Variants in STK32A observed in about 807,000 individuals in gnomAD.
STK32A encodes the protein serine/threonine kinase 32A.
A neutral mutation model predicts 53.2 loss-of-function variants in STK32A; 41 were observed. The observed-to-expected ratio is 0.77, with a 90% confidence interval of 0.60 to 1.00. The LOEUF is 1.00. Ranked by LOEUF, STK32A falls within the 50% of genes least tolerant of loss-of-function variation. The pLI, the probability that STK32A is intolerant of heterozygous loss-of-function variation, is 0.00. For synonymous variants in STK32A, 166 were observed against 162.8 expected (o/e 1.02, Z -0.15); for missense variants, 458 against 485.8 (o/e 0.94, Z 0.54).
chr5:147,364,145 G>A (rs1581141066), intron 8 of STK32A, among the ~76,000 whole-genome samples: 1 of 148,040 alleles, frequency 6.8e-6, no homozygotes, highest in East Asian at 2.0e-4. Context: ...AACCTGGGAG[G>A]TAGATGTTGC....
chr5:147,307,350 G>C (rs1249046479), intron 4 of STK32A, among the ~76,000 whole-genome samples: 2 of 152,044 alleles, frequency 1.3e-5, no homozygotes, highest in African/African-American at 4.8e-5. Context: ...GCTGGGGACA[G>C]TGACTCACGC....
chr5:147,349,364 G>T (rs1480658184), intron 6 of STK32A, among the ~76,000 whole-genome samples: 1 of 152,234 alleles, frequency 6.6e-6, no homozygotes, highest in Non-Finnish European at 1.5e-5. Context: ...CTTGTGGACT[G>T]TGGGCCCTGG....
chr5:147,281,569 T>C lies in STK32A; in HGVS notation c.260+2171T>C, dbSNP rs1186208138. 2.0e-5 allele frequency among the ~76,000 whole-genome samples: 3 copies of C among 151,672 alleles called. No homozygotes were observed. In the East Asian group the frequency reaches 5.8e-4, roughly 29 times the overall value. On this transcript the variant is annotated intron_variant, in intron 4 of 12. Transcript: ENST00000397936. ...TCAAACAAAGACAAAGCAAAAAGAA[T>C]AAGAAAATATAAACAAAACTCCCAA...
the STK32A span, among the ~76,000 whole-genome samples, chr5:147,395,993 G>A: frequency 1.4e-4 from 22 of 152,280 alleles, no homozygotes; most frequent in South Asian, 2.3e-3. Context: ...GGGGTTGCCA[G>A]AGGGAGGAGG....
At chr5:147,394,188 C>A in the STK32A span, 3 of 1,533,420 alleles carry the variant, frequency 2.0e-6, no homozygotes, top group South Asian at 2.3e-5. Context: ...GGGATGTGGG[C>A]AAGAGAGAAA....
chr5:147,279,206 T>C (rs1437953760), intron 3 of STK32A, 41 bp from the exon 4 acceptor site: 1 of 1,567,988 alleles, frequency 6.4e-7, no homozygotes, highest in Non-Finnish European at 8.7e-7. Context: ...CATGATCCAT[T>C]ATCTCCCTAA....
At chr5:147,242,163 A>G (rs1023491166) in intron 2 of STK32A, among the ~76,000 whole-genome samples, 1 of 152,290 alleles carries the variant, frequency 6.6e-6, no homozygotes, top group Non-Finnish European at 1.5e-5. Flanking sequence ...TCTCAGCCCA[A>G]TGAGATGAAC....
At chr5:147,238,886 C>T (rs1753444875) in intron 1 of STK32A, among the ~76,000 whole-genome samples, 2 of 151,536 alleles carry the variant, frequency 1.3e-5, no homozygotes, top group Admixed American at 6.6e-5. Flanking sequence ...TTGTATAATA[C>T]AACACAGAGT....
chr5:147,397,568 G>A, the STK32A span: 20 of 1,279,616 alleles, frequency 1.6e-5, no homozygotes, highest in Admixed American at 2.1e-4. Flanking sequence ...CTCTGTGAGA[G>A]TCTAGAGATC....
chr5:147,389,875 AAAT>A (rs1757756246), downstream of STK32A, among the ~76,000 whole-genome samples: 1 of 152,200 alleles, frequency 6.6e-6, no homozygotes, highest in African/African-American at 2.4e-5. Flanking sequence ...ATCTCAAATA[AAAT>A]AATAAAAAAA....
intron 5 of STK32A, among the ~76,000 whole-genome samples, chr5:147,341,167 C>T (rs1250514278): frequency 2.0e-5 from 3 of 152,178 alleles, no homozygotes; most frequent in Non-Finnish European, 4.4e-5. Context: ...AACTCTCATC[C>T]ATCTTTGGTA....
intron 2 of STK32A, among the ~76,000 whole-genome samples, chr5:147,262,274 T>G (rs1485204823): frequency 6.6e-6 from 1 of 152,170 alleles, no homozygotes; most frequent in Non-Finnish European, 1.5e-5. Context: ...ACTCATCCTC[T>G]TACTAATTTG....
At chr5:147,242,156 C>T (rs1753611450) in intron 2 of STK32A, among the ~76,000 whole-genome samples, 2 of 152,172 alleles carry the variant, frequency 1.3e-5, no homozygotes, top group African/African-American at 4.8e-5. Context: ...TCTGGCTTCT[C>T]AGCCCAATGA....
intron 10 of STK32A, 61 bp from the exon 11 acceptor site, chr5:147,375,029 C>A: frequency 6.7e-7 from 1 of 1,490,802 alleles, no homozygotes. Flanking sequence ...CGTATTAGGT[C>A]TGCTGTGTTT....
At chr5:147,241,095 T>C (rs1165870997) in intron 2 of STK32A, among the ~76,000 whole-genome samples, 2 of 152,162 alleles carry the variant, frequency 1.3e-5, no homozygotes, top group Non-Finnish European at 2.9e-5. Context: ...AAAGAAGAAT[T>C]AGGAGTTTGT....
intron 11 of STK32A, chr5:147,376,026 C>T (rs1293107114): frequency 6.6e-6 from 1 of 152,106 alleles, no homozygotes; most frequent in Non-Finnish European, 1.5e-5. Flanking sequence ...TCTGCCAGGT[C>T]CTGTGCTAAA....
At chr5:147,392,886 TTCCC>T in the STK32A span, 2 of 152,198 alleles carry the variant, frequency 1.3e-5, no homozygotes, top group Admixed American at 6.5e-5. Context: ...GCTTTCCCAG[TTCCC>T]CACTTGACTT....
intron 11 of STK32A, among the ~76,000 whole-genome samples, chr5:147,381,086 G>A (rs1757434446): frequency 6.6e-6 from 1 of 152,088 alleles, no homozygotes; most frequent in Non-Finnish European, 1.5e-5. Context: ...TTCTTACAGG[G>A]AAGTTCTAGT....
At chr5:147,287,913 A>AT (rs1752421518) in intron 4 of STK32A, among the ~76,000 whole-genome samples, 1 of 150,956 alleles carries the variant, frequency 6.6e-6, no homozygotes, top group African/African-American at 2.4e-5. Context: ...ACCTTCTCAT[A>AT]TTTGTCTTTC....
Sources: gnomAD v4.1 joint callset for allele counts (sites outside exome capture counted in the v4.1 genomes callset) on GRCh38, gnomAD v4.1.1 for gene constraint, MANE v1.5 for transcripts, NCBI Gene and HGNC (gene_info 2026-07-23, HGNC 2026-07-21) for gene names.